The following BMP7 variants were observed in gnomAD, a reference collection of about 807,000 sequenced individuals.
BMP7 encodes the protein bone morphogenetic protein 7.
BMP7 carries 12 observed loss-of-function variants against 41.2 expected under a neutral mutation model. The ratio of observed to expected loss-of-function variants is 0.29; its 90% CI spans 0.19 to 0.47. The LOEUF is 0.47. Ranked by LOEUF, BMP7 falls within the 20% of genes least tolerant of loss-of-function variation. The probability of loss-of-function intolerance (pLI) is 0.99; values close to 1 mark genes in which losing one functional copy is unlikely to be tolerated. For synonymous variants in BMP7, 248 were observed against 250.0 expected, an observed-to-expected ratio of 0.99 and a Z score of 0.07; for missense variants, 467 against 606.0, an observed-to-expected ratio of 0.77 and a Z score of 2.41.
Position 57,170,864 on chromosome 20 carries a change from T to C in BMP7, c.*95A>G. ...AGTTGGGGATAGGGAGGGGAAGGTC[T>C]CACAAAAGGCAGTTGGTCTGCTGGT... On this transcript the variant is annotated 3_prime_UTR_variant, in exon 7 of 7. Transcript: ENST00000395863. 2.0e-6 allele frequency: 3 copies of C among 1,506,368 alleles called. No individual in the cohort carries two copies. The highest frequency in any genetic ancestry group is 1.8e-6 in the Non-Finnish European group (2 of 1,103,136). The allele number at this position is 1,506,368 out of a possible 1,614,324, so 93.3% of individuals were successfully genotyped here.
At chr20:57,209,252 TATATATA>T (rs1568715470) in intron 2 of BMP7, among the ~76,000 whole-genome samples, 1 of 62,996 alleles carries the variant, frequency 1.6e-5, no homozygotes, top group African/African-American at 1.8e-4. Flanking sequence ...TATATTTTTA[TATATATA>T]TATATATATA....
intron 2 of BMP7, among the ~76,000 whole-genome samples, chr20:57,216,786 G>A (rs1157736997): frequency 6.6e-6 from 1 of 152,154 alleles, no homozygotes; most frequent in Non-Finnish European, 1.5e-5. Context: ...GAGGAGGAGT[G>A]GAGGCCCTGT....
chr20:57,230,533 G>T (rs1430779881), intron 1 of BMP7, among the ~76,000 whole-genome samples: 1 of 151,612 alleles, frequency 6.6e-6, no homozygotes, highest in African/African-American at 2.4e-5. Flanking sequence ...AGACCCAGGA[G>T]GTGTCCAGTG....
chr20:57,179,759 G>C (rs1185495909), intron 4 of BMP7, among the ~76,000 whole-genome samples: 7 of 152,188 alleles, frequency 4.6e-5, no homozygotes, highest in South Asian at 2.1e-4. Context: ...CCCAGGCCTC[G>C]GTATTTTTAT....
chr20:57,218,322 A>C (rs1363880124), intron 2 of BMP7, among the ~76,000 whole-genome samples: 1 of 152,152 alleles, frequency 6.6e-6, no homozygotes, highest in East Asian at 1.9e-4. Flanking sequence ...CTTCCAATAT[A>C]TTTCCAGGAG....
intron 3 of BMP7, among the ~76,000 whole-genome samples, chr20:57,190,390 CCCGAGGGGGTGAGGCTGGAGAGCGTGAGT>C (rs1984325911): frequency 3.3e-5 from 4 of 121,084 alleles, no homozygotes; most frequent in Non-Finnish European, 5.4e-5. Context: ...GAGTGAGGAG[CCCGAGGGGGTGAGGCTGGAGAGCGTGAGT>C]GAGGAGCCCG....
At chr20:57,227,264 T>C (rs1446851314) in intron 2 of BMP7, among the ~76,000 whole-genome samples, 2 of 152,212 alleles carry the variant, frequency 1.3e-5, no homozygotes, top group East Asian at 3.8e-4. Context: ...GTTCTCCTCA[T>C]TTTACAGATA....
chr20:57,189,048 C>T (rs6064509), intron 3 of BMP7, among the ~76,000 whole-genome samples: 75 of 152,284 alleles, frequency 4.9e-4, no homozygotes, highest in African/African-American at 1.7e-3. Context: ...GGGGTGGGAC[C>T]TACACATGAG....
intron 1 of BMP7, among the ~76,000 whole-genome samples, chr20:57,232,054 A>G (rs6014959): frequency 0.21 from 31,375 of 152,120 alleles, 5,276 homozygotes; most frequent in African/African-American, 0.47. Flanking sequence ...GTAACTTTCA[A>G]AGGTCACAAA....
intron 2 of BMP7, among the ~76,000 whole-genome samples, chr20:57,226,637 A>G (rs1450682896): frequency 2.0e-5 from 3 of 152,224 alleles, no homozygotes; most frequent in Admixed American, 2.0e-4. Flanking sequence ...AGCCAGAGGC[A>G]GGAGTGAGTG....
intron 1 of BMP7, among the ~76,000 whole-genome samples, chr20:57,242,739 A>T (rs903200257): frequency 3.9e-4 from 60 of 152,216 alleles, no homozygotes; most frequent in Non-Finnish European, 8.4e-4. Flanking sequence ...ACAGTGGCTC[A>T]TGCCTGTAAT....
intron 3 of BMP7, among the ~76,000 whole-genome samples, chr20:57,201,826 C>T (rs1216620429): frequency 1.3e-5 from 2 of 152,160 alleles, no homozygotes; most frequent in African/African-American, 2.4e-5. Flanking sequence ...ACCATCCTTC[C>T]TTCTTCCCTT....
rs757821410 is a variant in BMP7, at chr20:57,202,606, A to T, written c.629T>A (p.Leu210Gln). The change falls in exon 3 of 7, where the codon CTG becomes CAG. Residue 210 changes from leucine (L) to glutamine (Q), a missense_variant. Around this residue, in one of 2 missense-constraint regions of BMP7, gnomAD observed 407 missense variants for 485.9 expected, o/e 0.84. Coordinates refer to ENST00000395863, the MANE Select transcript of BMP7 (RefSeq NM_001719.3). ...EHLGRESDLF[L>Q]LDSRTLWASE... ...GGCCCAGAGGGTACGGCTGTCGAGCAGGAAGAGATCCGATTCCCTGCGAGA... is the reference window on the plus strand; with the variant it reads ...GGCCCAGAGGGTACGGCTGTCGAGCTGGAAGAGATCCGATTCCCTGCGAGA... 6.2e-7 allele frequency: 1 copy of T among 1,611,730 alleles called. No homozygotes were observed. Among genetic ancestry groups the T allele is most frequent in the South Asian group, 1.1e-5 (1 of 91,066 alleles).
At chr20:57,172,420 C>T (rs1365409702) in intron 6 of BMP7, among the ~76,000 whole-genome samples, 1 of 152,202 alleles carries the variant, frequency 6.6e-6, no homozygotes, top group Non-Finnish European at 1.5e-5. Context: ...CAGGACTTAA[C>T]ACACAGGACA....
intron 3 of BMP7, among the ~76,000 whole-genome samples, chr20:57,188,546 TAA>T (rs577598390): frequency 2.9e-4 from 34 of 117,476 alleles, no homozygotes; most frequent in African/African-American, 8.3e-4. Flanking sequence ...GAGAATATAC[TAA>T]AAAAAAAAAA....
At chr20:57,249,634 A>G (rs1280157921) in intron 1 of BMP7, among the ~76,000 whole-genome samples, 2 of 152,206 alleles carry the variant, frequency 1.3e-5, no homozygotes, top group Non-Finnish European at 2.9e-5. Context: ...TACTCAGGGA[A>G]GTGTATAGTC....
At chr20:57,186,491 T>A (rs1984214165) in intron 3 of BMP7, among the ~76,000 whole-genome samples, 1 of 152,014 alleles carries the variant, frequency 6.6e-6, no homozygotes, top group Admixed American at 6.5e-5. Context: ...AAATAAAGCA[T>A]CCAGTGGAAA....
intron 1 of BMP7, among the ~76,000 whole-genome samples, chr20:57,244,774 G>C (rs571427904): frequency 6.6e-6 from 1 of 152,240 alleles, no homozygotes; most frequent in Admixed American, 6.5e-5. Context: ...GGTGGGGGAA[G>C]TGAAGCTGCC....
chr20:57,194,922 C>T (rs539231661), intron 3 of BMP7, among the ~76,000 whole-genome samples: 27 of 152,330 alleles, frequency 1.8e-4, no homozygotes, highest in African/African-American at 6.3e-4. Flanking sequence ...AAGGATCCCC[C>T]AAAATTCAGA....
Sources: gnomAD v4.1 joint callset for allele counts (sites outside exome capture counted in the v4.1 genomes callset) on GRCh38, gnomAD v4.1.1 for gene constraint, gnomAD v4.1.1 regional missense constraint, MANE v1.5 for transcripts, NCBI Gene and HGNC (gene_info 2026-07-23, HGNC 2026-07-21) for gene names.